Variants in C1orf21 observed in about 807,000 individuals in gnomAD.
C1orf21 encodes the protein chromosome 1 open reading frame 21.
In C1orf21, 3 loss-of-function variants were observed where a neutral mutation model predicts 18.7. The ratio of observed to expected loss-of-function variants is 0.16; its 90% CI spans 0.07 to 0.42. The LOEUF (loss-of-function observed/expected upper bound fraction) is 0.42. Ranked by LOEUF, C1orf21 falls within the 10% of genes least tolerant of loss-of-function variation. The pLI, the probability that C1orf21 is intolerant of heterozygous loss-of-function variation, is 0.99. For synonymous variants in C1orf21, 41 were observed against 46.4 expected, an observed-to-expected ratio of 0.88 and a Z score of 0.47; for missense variants, 104 against 143.6, an observed-to-expected ratio of 0.72 and a Z score of 1.41.
intron 5 of C1orf21, among the ~76,000 whole-genome samples, chr1:184,617,114 A>G (rs1659837911): frequency 6.6e-6 from 1 of 152,224 alleles, no homozygotes; most frequent in Non-Finnish European, 1.5e-5. Context: ...TAGTAGCATT[A>G]GCTAACATTT....
intron 3 of C1orf21, among the ~76,000 whole-genome samples, chr1:184,575,420 C>T (rs989066946): frequency 2.6e-5 from 4 of 152,088 alleles, no homozygotes; most frequent in Middle Eastern, 3.4e-3. Context: ...ATTGACTTCC[C>T]TTCATTTACT....
At chr1:184,411,995 C>T (rs1158793534) in intron 1 of C1orf21, 2 of 152,182 alleles carry the variant, frequency 1.3e-5, no homozygotes, top group Admixed American at 1.3e-4. Flanking sequence ...TACAATCTAC[C>T]TCTGTCTCCC....
chr1:184,614,555 A>G (rs1052739691), intron 5 of C1orf21, among the ~76,000 whole-genome samples: 11 of 64,224 alleles, frequency 1.7e-4, no homozygotes, highest in African/African-American at 6.0e-4. Context: ...GTGGAAGACA[A>G]TTTTTCCATG....
intron 3 of C1orf21, among the ~76,000 whole-genome samples, chr1:184,551,502 A>G (rs573637189): frequency 1.3e-5 from 2 of 152,342 alleles, no homozygotes; most frequent in Admixed American, 6.5e-5. Flanking sequence ...CAAGGCTGAG[A>G]TAGAGAAGCA....
intron 2 of C1orf21, among the ~76,000 whole-genome samples, chr1:184,503,027 G>A (rs746413465): frequency 2.1e-5 from 3 of 141,366 alleles, no homozygotes; most frequent in Non-Finnish European, 3.0e-5. Context: ...GCAGTGAGCC[G>A]TGATCATGCC....
intron 1 of C1orf21, among the ~76,000 whole-genome samples, chr1:184,469,927 T>G (rs1230042166): frequency 2.0e-5 from 3 of 152,230 alleles, no homozygotes; most frequent in African/African-American, 4.8e-5. Flanking sequence ...AGGGCAGGAA[T>G]CCTATCTGTT....
intron 3 of C1orf21, among the ~76,000 whole-genome samples, chr1:184,538,183 T>C (rs1382834432): frequency 6.6e-6 from 1 of 152,190 alleles, no homozygotes; most frequent in Non-Finnish European, 1.5e-5. Context: ...GGTAATTCAT[T>C]GTAGTTTCAA....
intron 1 of C1orf21, among the ~76,000 whole-genome samples, chr1:184,447,805 A>G (rs2101978010): frequency 6.6e-6 from 1 of 152,246 alleles, no homozygotes; most frequent in South Asian, 2.1e-4. Flanking sequence ...TTCTGTTTGA[A>G]GGAATGATGT....
chr1:184,476,777 C>A (rs907573448), intron 1 of C1orf21, among the ~76,000 whole-genome samples: 47 of 152,242 alleles, frequency 3.1e-4, no homozygotes, highest in African/African-American at 1.1e-3. Flanking sequence ...AAGTTTTAGA[C>A]CTTGCCCCAT....
Position 184,454,711 on chromosome 1 carries a change from C to G in C1orf21, c.-124-22675C>G, listed in dbSNP as rs143636049. 2.8e-3 allele frequency among the ~76,000 whole-genome samples: 425 copies of G among 152,222 alleles called. 2 individuals carry two copies. Among genetic ancestry groups the G allele is most frequent in the Non-Finnish European group, 4.4e-3 (297 of 68,020 alleles). ...TGCCTTCTAGGACATGCTGACTCCCCCTTTGCCATCTACCATAGTTGTAAG... is the reference window on the plus strand; with the variant it reads ...TGCCTTCTAGGACATGCTGACTCCCGCTTTGCCATCTACCATAGTTGTAAG... On this transcript the variant is annotated intron_variant, in intron 1 of 5. Transcript: ENST00000235307.
intron 5 of C1orf21, among the ~76,000 whole-genome samples, chr1:184,611,957 T>G (rs1480074459): frequency 6.6e-6 from 1 of 152,190 alleles, no homozygotes; most frequent in Non-Finnish European, 1.5e-5. Context: ...TTCACCACTG[T>G]GTCATTTATC....
chr1:184,625,578 A>G lies in C1orf21; in HGVS notation c.*6022A>G, dbSNP rs1201863215. ...CGCATACATACATATACAGAGAGAT[A>G]CGTGGAGAAAGGAAATTTACTCTAT... On this transcript the variant is annotated 3_prime_UTR_variant, in exon 6 of 6. Coordinates refer to ENST00000235307, the MANE Select transcript of C1orf21 (RefSeq NM_030806.4). The G allele has an allele frequency of 2.0e-5, 3 of 152,614 alleles. No individual in the cohort carries two copies. The highest frequency in any genetic ancestry group is 7.2e-5 in the African/African-American group (3 of 41,424). The allele number at this position is 152,614 out of a possible 1,614,324, so 9.5% of individuals were successfully genotyped here. A position where few individuals can be genotyped will look rare whatever the true frequency, so the allele number is the denominator to read the frequency against.
chr1:184,579,635 C>T (rs542292000), intron 3 of C1orf21, among the ~76,000 whole-genome samples: 18 of 151,238 alleles, frequency 1.2e-4, no homozygotes, highest in South Asian at 6.3e-4. Context: ...CTCAGCCTCC[C>T]GAGTAGCTGG....
intron 1 of C1orf21, among the ~76,000 whole-genome samples, chr1:184,398,093 G>A (rs1004964191): frequency 2.6e-5 from 4 of 152,110 alleles, no homozygotes; most frequent in African/African-American, 9.7e-5. Context: ...TGGATTCAGC[G>A]GATTCTATCC....
rs1416501379 is a variant in C1orf21 at position 184,450,124 on chromosome 1, TAC to T, written c.-124-27260_-124-27259del. ...AGTGAGGTTGTAGGTGGATGCCTGA[TAC>T]AGTCATGGAGGGAAGGTGTGGGGTC... On this transcript the variant is annotated intron_variant, in intron 1 of 5. Coordinates refer to ENST00000235307, the MANE Select transcript of C1orf21 (RefSeq NM_030806.4). 3.0e-4 allele frequency among the ~76,000 whole-genome samples: 45 copies of T among 152,274 alleles called. 1 individual carries two copies. Among genetic ancestry groups the T allele is most frequent in the African/African-American group, 9.9e-4 (41 of 41,554 alleles).
intron 1 of C1orf21, among the ~76,000 whole-genome samples, chr1:184,463,082 C>CAAAAAAAA (rs397982231): frequency 5.0e-5 from 4 of 80,312 alleles, no homozygotes; most frequent in East Asian, 4.0e-4. Context: ...GACTCCATCT[C>CAAAAAAAA]AAAAAAAAAA....
chr1:184,602,267 C>T (rs571345818), intron 5 of C1orf21, among the ~76,000 whole-genome samples: 188 of 152,288 alleles, frequency 1.2e-3, no homozygotes, highest in African/African-American at 4.4e-3. Context: ...ATTTCACATG[C>T]TGGTGGTGGG....
At chr1:184,555,613 G>C (rs1658867234) in intron 3 of C1orf21, among the ~76,000 whole-genome samples, 1 of 151,900 alleles carries the variant, frequency 6.6e-6, no homozygotes, top group South Asian at 2.1e-4. Context: ...CCAGACCCTT[G>C]GGCCAGAGCA....
At chr1:184,460,278 T>C (rs1262906130) in intron 1 of C1orf21, among the ~76,000 whole-genome samples, 2 of 152,194 alleles carry the variant, frequency 1.3e-5, no homozygotes, top group African/African-American at 4.8e-5. Flanking sequence ...TTTGCCCTGC[T>C]CATTTGAGCA....
Sources: allele counts gnomAD v4.1 joint callset (sites outside exome capture counted in the v4.1 genomes callset), GRCh38; gene constraint gnomAD v4.1.1; transcripts MANE v1.5; gene names NCBI Gene and HGNC (gene_info 2026-07-23, HGNC 2026-07-21).